PBX1: variants seen among roughly 807,000 people sequenced by gnomAD.
PBX1 encodes pre-B-cell leukemia transcription factor 1.
PBX1 carries 6 observed loss-of-function variants against 53.4 expected under a neutral mutation model. That is an observed-to-expected ratio of 0.11 (90% confidence interval 0.06 to 0.22). PBX1 has a LOEUF of 0.22. PBX1 is among the 10% of genes least tolerant of loss of function. The pLI is 1.00. For missense variants in PBX1, 251 were observed against 551.4 expected, an observed-to-expected ratio of 0.46 and a Z score of 5.46; for synonymous variants, 204 against 212.3, an observed-to-expected ratio of 0.96 and a Z score of 0.34.
intron 2 of PBX1, among the ~76,000 whole-genome samples, chr1:164,648,465 T>C (rs995205516): frequency 4.6e-5 from 7 of 152,172 alleles, no homozygotes; most frequent in Non-Finnish European, 7.3e-5. Context: ...CCAGCTACCG[T>C]TGTAGGGAAA....
chr1:164,885,098 G>C (rs1418029467), intron 2 of PBX1, among the ~76,000 whole-genome samples: 4 of 152,114 alleles, frequency 2.6e-5, no homozygotes, highest in Non-Finnish European at 5.9e-5. Flanking sequence ...TTCTATCCTT[G>C]TTCTGTGGAT....
At chr1:164,640,555 TGTG>T (rs1477582174) in intron 2 of PBX1, among the ~76,000 whole-genome samples, 14 of 39,820 alleles carry the variant, frequency 3.5e-4, no homozygotes, top group South Asian at 2.4e-3. Context: ...GTTTTTTTTT[TGTG>T]TTTTTTTTTT....
chr1:164,831,783 A>G (rs917625571), intron 8 of PBX1, among the ~76,000 whole-genome samples: 3 of 152,202 alleles, frequency 2.0e-5, no homozygotes, highest in Non-Finnish European at 4.4e-5. Context: ...GACAGGGCAC[A>G]TAGTTGTCCA....
At chr1:164,811,720 T>G (rs1281888882) in intron 5 of PBX1, among the ~76,000 whole-genome samples, 1 of 152,188 alleles carries the variant, frequency 6.6e-6, no homozygotes, top group Non-Finnish European at 1.5e-5. Flanking sequence ...ATTAAAAGGG[T>G]TCTAGCTTAA....
At chr1:164,841,300 G>A (rs1326029156) in intron 8 of PBX1, among the ~76,000 whole-genome samples, 1 of 152,184 alleles carries the variant, frequency 6.6e-6, no homozygotes, top group East Asian at 1.9e-4. Flanking sequence ...AAAGAAGCAG[G>A]CATGAGACGG....
intron 2 of PBX1, among the ~76,000 whole-genome samples, chr1:164,656,623 G>A (rs1342643162): frequency 6.6e-6 from 1 of 151,976 alleles, no homozygotes; most frequent in African/African-American, 2.4e-5. Context: ...GCCACTGGAG[G>A]ATTTGCTTTG....
At position 164,772,616 on chromosome 1, in the gene PBX1, G is replaced by A. The variant is rs77424018; in HGVS notation, c.266-19878G>A. Among the ~76,000 whole-genome samples the A allele has an allele frequency of 3.2e-3, 480 of 152,262 alleles. 2 individuals are homozygous for A. Among genetic ancestry groups the A allele is most frequent in the African/African-American group, 0.01 (419 of 41,548 alleles). On this transcript the variant is annotated intron_variant, in intron 2 of 8. Coordinates refer to ENST00000420696, the MANE Select transcript of PBX1 (RefSeq NM_002585.4). ...TGGCTTGGAGTATAGCCCCTGAAAG[G>A]GACTAGGACAGCCCACTCCCCTGCC...
rs1669517031 is a variant in PBX1, at chr1:164,809,730, C to A, written c.837+2053C>A. 2.0e-5 allele frequency among the ~76,000 whole-genome samples: 3 copies of A among 152,002 alleles called. No individual in the cohort carries two copies. The South Asian group carries it at 6.2e-4, about 32-fold the overall frequency. On this transcript the variant is annotated intron_variant, in intron 5 of 8. Coordinates refer to ENST00000420696, the MANE Select transcript of PBX1 (RefSeq NM_002585.4). ...AATCTACTAAAAGCTATTGATTTCC[C>A]CCATGACCCAAAACAAAGATATGTT...
At chr1:164,789,401 G>A (rs1266493956) in intron 2 of PBX1, among the ~76,000 whole-genome samples, 2 of 152,208 alleles carry the variant, frequency 1.3e-5, no homozygotes, top group Non-Finnish European at 2.9e-5. Context: ...AATATTCATA[G>A]TGATGTGTGC....
intron 2 of PBX1, among the ~76,000 whole-genome samples, chr1:164,755,998 G>GA (rs370503258): frequency 0.5 from 62,368 of 124,832 alleles, 14,931 homozygotes; most frequent in Middle Eastern, 0.58. Context: ...CCCGATTCAG[G>GA]AAAAAAAAAA....
At chr1:164,665,347 C>G (rs1660744482) in intron 2 of PBX1, among the ~76,000 whole-genome samples, 1 of 152,062 alleles carries the variant, frequency 6.6e-6, no homozygotes, top group South Asian at 2.1e-4. Context: ...TGCAGTGTTG[C>G]GATCTCAGCT....
intron 2 of PBX1, among the ~76,000 whole-genome samples, chr1:164,779,931 A>G (rs979522778): frequency 2.6e-5 from 4 of 152,226 alleles, no homozygotes; most frequent in Non-Finnish European, 5.9e-5. Flanking sequence ...TAAGAACCAC[A>G]GTAAATAAGG....
intron 2 of PBX1, chr1:164,657,066 A>G (rs1393444238): frequency 6.6e-6 from 1 of 152,226 alleles, no homozygotes; most frequent in Non-Finnish European, 1.5e-5. Context: ...TTGCTGTTTG[A>G]TAAAGCAAAA....
intron 2 of PBX1, among the ~76,000 whole-genome samples, chr1:164,609,136 G>T (rs767683705): frequency 1.3e-5 from 2 of 151,966 alleles, no homozygotes; most frequent in Non-Finnish European, 2.9e-5. Flanking sequence ...CTTTTCAGGA[G>T]GCCTCTTTGT....
chr1:164,840,926 G>A (rs2102409020), intron 8 of PBX1, among the ~76,000 whole-genome samples: 1 of 152,222 alleles, frequency 6.6e-6, no homozygotes, highest in East Asian at 1.9e-4. Flanking sequence ...CCATGTTGGG[G>A]GATGGATGTC....
downstream of PBX1, among the ~76,000 whole-genome samples, chr1:164,856,193 C>A (rs192405356): frequency 6.6e-6 from 1 of 152,308 alleles, no homozygotes; most frequent in Non-Finnish European, 1.5e-5. Context: ...CCACTCCCCA[C>A]AAAGCCTCCC....
At chr1:164,726,500 C>G (rs913516980) in intron 2 of PBX1, among the ~76,000 whole-genome samples, 3 of 152,162 alleles carry the variant, frequency 2.0e-5, no homozygotes, top group Non-Finnish European at 1.5e-5. Context: ...ATGAATTAAC[C>G]AAAACATCCT....
chr1:164,596,549 G>C (rs1443877089), intron 2 of PBX1, among the ~76,000 whole-genome samples: 1 of 152,156 alleles, frequency 6.6e-6, no homozygotes, highest in African/African-American at 2.4e-5. Flanking sequence ...TATTTTTACT[G>C]TGTACTTTTT....
intron 2 of PBX1, among the ~76,000 whole-genome samples, chr1:164,584,992 C>T (rs1035483896): frequency 2.0e-5 from 3 of 152,150 alleles, no homozygotes; most frequent in Non-Finnish European, 2.9e-5. Flanking sequence ...GAAAAGGACT[C>T]TTCCATCTAC....
Sources: allele counts gnomAD v4.1 joint callset (sites outside exome capture counted in the v4.1 genomes callset), GRCh38; gene constraint gnomAD v4.1.1; transcripts MANE v1.5; gene names NCBI Gene and HGNC (gene_info 2026-07-23, HGNC 2026-07-21).